USP42: variants seen among roughly 807,000 people sequenced by gnomAD.
The protein encoded by USP42 is ubiquitin specific peptidase 42, also known as ubiquitin carboxyl-terminal hydrolase 42.
A neutral mutation model predicts 113.0 loss-of-function variants in USP42; 23 were observed. That is an observed-to-expected ratio of 0.20 (90% CI 0.15 to 0.29). The LOEUF is 0.29. Among genes scored for constraint, USP42 ranks in the 10% least tolerant of loss-of-function variants. The pLI, the probability that USP42 is intolerant of heterozygous loss-of-function variation, is 1.00. For missense variants in USP42, 2,174 were observed against 1,779.8 expected, an observed-to-expected ratio of 1.22 and a Z score of -3.99; for synonymous variants, 933 against 699.0, an observed-to-expected ratio of 1.33 and a Z score of -5.28.
At chr7:6,108,858 T>C in intron 1 of USP42, among the ~76,000 whole-genome samples, 1 of 152,246 alleles carries the variant, frequency 6.6e-6, no homozygotes, top group East Asian at 1.9e-4. Context: ...TGTATGTTAA[T>C]CATTCAGCAC....
chr7:6,154,982 A>G lies in USP42; in HGVS notation c.3428A>G (p.Asp1143Gly). 1.3e-6 allele frequency: 2 copies of G among 1,563,068 alleles called. No individual in the cohort carries two copies. The highest frequency in any genetic ancestry group is 1.7e-6 in the Non-Finnish European group (2 of 1,153,324). Residue 1143 changes from aspartate (D) to glycine (G), a missense_variant, in exon 15 of 18, where the codon GAC becomes GGC. Coordinates refer to ENST00000306177, the MANE Select transcript of USP42 (RefSeq NM_032172.3). ...SHDRTALVAG[D>G]NCNLSDRFHE... The stretch of plus-strand genomic sequence containing the variant: ...GACAGAACTGCACTTGTAGCCGGAG[A>G]CAACTGTAACCTCTCTGATCGGTTT...
At position 6,149,713 on chromosome 7, in the gene USP42, C is replaced by T. The variant is rs752036894; in HGVS notation, c.1517C>T (p.Ser506Leu). The change falls in exon 13 of 18, where the codon TCA becomes TTA. Residue 506 changes from serine to leucine, a missense_variant. Physicochemically the swap from Ser to Leu is moderately radical, Grantham distance 145. Coordinates refer to ENST00000306177, the MANE Select transcript of USP42 (RefSeq NM_032172.3). Reference protein sequence around the residue: ...VNASASVQNWSVNRSSVIPEH... With the variant: ...VNASASVQNWLVNRSSVIPEH... ...GCTTCAGCTTCTGTCCAAAACTGGT[C>T]AGTTAATAGGTCCTCAGTGATCCCA... The T allele has an allele frequency of 1.9e-6, 3 of 1,613,948 alleles. No individual in the cohort carries two copies. Among genetic ancestry groups the T allele is most frequent in the African/African-American group, 1.3e-5 (1 of 75,026 alleles).
At chr7:6,141,810 G>A (rs965062919) in intron 7 of USP42, among the ~76,000 whole-genome samples, 1 of 152,220 alleles carries the variant, frequency 6.6e-6, no homozygotes, top group South Asian at 2.1e-4. Flanking sequence ...TGATAAAAAT[G>A]AGTAACGTTG....
At chr7:6,146,547 T>G (rs1781727658) in intron 11 of USP42, among the ~76,000 whole-genome samples, 1 of 152,008 alleles carries the variant, frequency 6.6e-6, no homozygotes, top group African/African-American at 2.4e-5. Flanking sequence ...GCCTGTGGTC[T>G]TATCTGCTCC....
At chr7:6,099,211 CTT>C in the USP42 span, among the ~76,000 whole-genome samples, 3 of 98,782 alleles carry the variant, frequency 3.0e-5, no homozygotes, top group Non-Finnish European at 3.8e-5. Context: ...TGTTCCCTCT[CTT>C]TTTTTTTTTT....
rs1782041778 is a variant in USP42, at chr7:6,151,435, T to G, written c.2201+929T>G. On this transcript the variant is annotated intron_variant, in intron 14 of 17. Coordinates refer to ENST00000306177, the MANE Select transcript of USP42 (RefSeq NM_032172.3). ...ATACAGCTGTACAAAAATAACTTCT[T>G]TTTTTGTTTGTTTTTTTGTTTGAGA... is the stretch of plus-strand genomic sequence containing the variant. Among the ~76,000 whole-genome samples the G allele has an allele frequency of 2.0e-5, 3 of 152,208 alleles. No homozygotes were observed. The South Asian group carries it at 6.2e-4, about 32-fold the overall frequency.
chr7:6,145,803 C>A, intron 10 of USP42, 147 bp downstream of exon 10: 2 of 967,682 alleles, frequency 2.1e-6, no homozygotes, highest in Non-Finnish European at 3.0e-6. Flanking sequence ...GGCGCAGTGG[C>A]TTACTCCTGT....
chr7:6,091,773 A>T, the USP42 span, among the ~76,000 whole-genome samples: 1 of 147,698 alleles, frequency 6.8e-6, no homozygotes, highest in African/African-American at 2.6e-5. Context: ...ACAGTGGGGG[A>T]TGGGGGTGCA....
chr7:6,105,840 A>G (rs1779250257), intron 1 of USP42, among the ~76,000 whole-genome samples: 1 of 152,214 alleles, frequency 6.6e-6, no homozygotes, highest in Non-Finnish European at 1.5e-5. Flanking sequence ...TCTCACATGC[A>G]TGCAGTGGAG....
At chr7:6,155,632 A>G (rs1233579279) in intron 15 of USP42, among the ~76,000 whole-genome samples, 5 of 152,168 alleles carry the variant, frequency 3.3e-5, no homozygotes, top group South Asian at 2.1e-4. Context: ...GAGGCAGACA[A>G]CAGGAGGCAC....
At chr7:6,115,163 G>T (rs1040350737) in intron 2 of USP42, among the ~76,000 whole-genome samples, 160 bp from the exon 3 acceptor site, 1 of 152,086 alleles carries the variant, frequency 6.6e-6, no homozygotes, top group Non-Finnish European at 1.5e-5. Flanking sequence ...TCATGTTCTG[G>T]TTTCTGTCTT....
intron 2 of USP42, among the ~76,000 whole-genome samples, chr7:6,113,211 T>C (rs998966502): frequency 2.6e-5 from 4 of 152,208 alleles, no homozygotes; most frequent in Admixed American, 2.6e-4. Flanking sequence ...AAGTTTCATA[T>C]TGTGATGTGG....
At chr7:6,152,045 A>G (rs1049566206) in intron 14 of USP42, among the ~76,000 whole-genome samples, 2 of 152,178 alleles carry the variant, frequency 1.3e-5, no homozygotes, top group East Asian at 1.9e-4. Context: ...AAAAAAAATC[A>G]TGTCATGTTA....
At chr7:6,124,291 G>A (rs1309717623) in intron 3 of USP42, among the ~76,000 whole-genome samples, 5 of 151,306 alleles carry the variant, frequency 3.3e-5, no homozygotes, top group Admixed American at 1.3e-4. Context: ...TTTTTGAGAC[G>A]GATTCTCGCT....
chr7:6,112,925 A>T (rs1395258236), intron 2 of USP42, among the ~76,000 whole-genome samples: 2 of 120,462 alleles, frequency 1.7e-5, no homozygotes, highest in Non-Finnish European at 3.2e-5. Context: ...TTTTTTTGAG[A>T]CAGAGTCTCG....
intron 4 of USP42, among the ~76,000 whole-genome samples, chr7:6,138,671 G>A (rs1781285400): frequency 6.6e-6 from 1 of 152,312 alleles, no homozygotes; most frequent in Admixed American, 6.5e-5. Context: ...TGAGCAGCAG[G>A]TGAGCATCCC....
chr7:6,117,113 T>G (rs1475331415), intron 3 of USP42, among the ~76,000 whole-genome samples: 2 of 152,116 alleles, frequency 1.3e-5, no homozygotes, highest in African/African-American at 2.4e-5. Flanking sequence ...TATACACCCG[T>G]GGAACTAGCA....
rs748930740 is a variant in USP42 at position 6,116,798 on chromosome 7, A to G, written c.442+1275A>G. 5.4e-5 allele frequency: 29 copies of G among 533,200 alleles called. 1 individual carries two copies. Among genetic ancestry groups the G allele is most frequent in the South Asian group, 4.1e-4 (29 of 71,534 alleles). The allele number at this position is 533,200 out of a possible 1,614,324, so 33.0% of individuals were successfully genotyped here. A position where few individuals can be genotyped will look rare whatever the true frequency, so the allele number is the denominator to read the frequency against. ...CCTCATTTTCTCCCTTTCTCAGTCC[A>G]TAATTCATTCCCCACAGACAGCTTT... On this transcript the variant is annotated intron_variant, in intron 3 of 17. Coordinates refer to ENST00000306177, the MANE Select transcript of USP42 (RefSeq NM_032172.3).
At position 6,154,551 on chromosome 7, in the gene USP42, C is replaced by A; in HGVS notation, c.2997C>A (p.His999Gln). 2 of 1,547,932 alleles carry A rather than the reference C, an allele frequency of 1.3e-6. No individual in the cohort carries two copies. Among genetic ancestry groups the A allele is most frequent in the East Asian group, 2.4e-5 (1 of 40,890 alleles). ...DRQDRHAPEH[H>Q]PGHGDRLSPG... is the part of the protein sequence containing the mutation. ...AGGACCGCCACGCCCCGGAGCACCA[C>A]CCCGGCCACGGCGACAGGCTCAGCC... Residue 999 changes from histidine to glutamine, a missense_variant, in exon 15 of 18, where the codon CAC becomes CAA. His to Gln is a conservative substitution (Grantham distance 24). Coordinates refer to ENST00000306177, the MANE Select transcript of USP42 (RefSeq NM_032172.3).
Sources: gnomAD v4.1 joint callset for allele counts (sites outside exome capture counted in the v4.1 genomes callset) on GRCh38, gnomAD v4.1.1 for gene constraint, MANE v1.5 for transcripts, NCBI Gene and HGNC (gene_info 2026-07-23, HGNC 2026-07-21) for gene names.